Variants in IFT140 observed in about 807,000 individuals in gnomAD.
IFT140 encodes the protein intraflagellar transport protein 140 homolog.
Under a neutral mutation model 164.6 loss-of-function variants are expected in IFT140, and 133 were observed. The observed-to-expected ratio is 0.81, with a 90% CI of 0.70 to 0.93. IFT140 has a LOEUF of 0.93. IFT140 is among the 40% of genes least tolerant of loss of function. The pLI, the probability that IFT140 is intolerant of heterozygous loss-of-function variation, is 0.00. For synonymous variants in IFT140, 860 were observed against 817.3 expected (o/e 1.05, Z -0.89); for missense variants, 2,045 against 1,972.3 (o/e 1.04, Z -0.70).
rs948736359 is a variant in IFT140, at chr16:1,533,448, C to T, written c.2400-6652G>A. The T allele has an allele frequency of 6.6e-6, 1 of 152,328 alleles. No homozygotes were observed. Among genetic ancestry groups the T allele is most frequent in the Non-Finnish European group, 1.5e-5 (1 of 68,196 alleles). 9.4% of individuals were successfully genotyped at this position (152,328 alleles called of 1,614,324 possible). ...CCAGGCTTAAAAGCAACAGGCGAGA[C>T]GAGGGATCTGTCCCGCACCCGGCAT... On this transcript the variant is annotated intron_variant, in intron 19 of 30. Coordinates refer to ENST00000426508, the MANE Select transcript of IFT140 (RefSeq NM_014714.4). This position sits in a 1 kb window ranked among gnomAD's most constrained non-coding sequence, Gnocchi z 4.7.
At chr16:1,534,732 G>GC (rs1022581130) in intron 19 of IFT140, among the ~76,000 whole-genome samples, 11 of 150,806 alleles carry the variant, frequency 7.3e-5, no homozygotes, top group Non-Finnish European at 1.3e-4. Flanking sequence ...AGGCCCCAAG[G>GC]CCCCCTCTCC....
chr16:1,545,325 G>T (rs1299473855), intron 19 of IFT140, among the ~76,000 whole-genome samples: 2 of 152,116 alleles, frequency 1.3e-5, no homozygotes, highest in East Asian at 1.9e-4. Flanking sequence ...AGGGCCCCTG[G>T]TGTCTCGGTG....
At chr16:1,523,301 C>G (rs1363431622) in intron 26 of IFT140, among the ~76,000 whole-genome samples, 1 of 152,116 alleles carries the variant, frequency 6.6e-6, no homozygotes, top group Non-Finnish European at 1.5e-5. Context: ...TGCACCATTC[C>G]CTGTGTATGA....
At chr16:1,583,113 C>T (rs1052223983) in intron 12 of IFT140, among the ~76,000 whole-genome samples, 6 of 152,152 alleles carry the variant, frequency 3.9e-5, no homozygotes, top group African/African-American at 9.7e-5. Context: ...TGGTTGTTTA[C>T]GCCCACACAG....
chr16:1,566,166 A>G lies in IFT140; in HGVS notation c.1896T>C (p.Thr632=). 1 of 1,612,818 alleles carries G rather than the reference A, an allele frequency of 6.2e-7. No homozygotes were observed. The highest frequency in any genetic ancestry group is 8.5e-7 in the Non-Finnish European group (1 of 1,179,282). The part of the protein sequence containing the change: ...RETLSFNEQE[T]NKSHLFVDEG... ...CTCCTGAACCACAATCTTACTTATT[A>G]GTCTCTTGCTCATTAAAGGACAGCG... The change falls in exon 16 of 31, where the codon ACT becomes ACC. Residue 632 remains threonine (T), a synonymous_variant. Coordinates refer to ENST00000426508, the MANE Select transcript of IFT140 (RefSeq NM_014714.4).
chr16:1,534,076 T>G (rs2030795087), intron 19 of IFT140: 1 of 628,014 alleles, frequency 1.6e-6, no homozygotes. Flanking sequence ...GGCCTGGCCC[T>G]GCTCCAGGTG....
intron 24 of IFT140, 30 bp from the exon 25 acceptor site, chr16:1,523,986 G>A (rs779977744): frequency 5.6e-6 from 9 of 1,600,548 alleles, no homozygotes; most frequent in South Asian, 3.3e-5. Context: ...GCCCTGAAGC[G>A]GCTCCCACTG....
intron 19 of IFT140, chr16:1,534,258 G>T (rs1190978351): frequency 6.2e-7 from 1 of 1,608,194 alleles, no homozygotes; most frequent in Non-Finnish European, 8.5e-7. Flanking sequence ...CGGATAAGCG[G>T]CGGCACCGGC....
rs1038303025 is a variant in IFT140 at position 1,590,639 on chromosome 16, C to T, written c.635-859G>A. 8.5e-5 allele frequency among the ~76,000 whole-genome samples: 13 copies of T among 152,356 alleles called. No homozygotes were observed. The South Asian group carries it at 2.7e-3, about 32-fold the overall frequency. On this transcript the variant is annotated intron_variant, in intron 6 of 30. Coordinates refer to ENST00000426508, the MANE Select transcript of IFT140 (RefSeq NM_014714.4). ...CGGTGCTGGCCAGCCACTCTGTCTGCAGGCCCTGTGTGAGCTTGGGGACTC... is the reference window on the plus strand; with the variant it reads ...CGGTGCTGGCCAGCCACTCTGTCTGTAGGCCCTGTGTGAGCTTGGGGACTC...
At chr16:1,525,089 C>T in intron 22 of IFT140, 142 bp downstream of exon 22, 1 of 1,177,240 alleles carries the variant, frequency 8.5e-7, no homozygotes. Flanking sequence ...GCTCAGGGCC[C>T]TGGCATGGCT....
At chr16:1,608,104 G>C (rs946430096) in intron 2 of IFT140, among the ~76,000 whole-genome samples, 1 of 152,154 alleles carries the variant, frequency 6.6e-6, no homozygotes, top group Non-Finnish European at 1.5e-5. Context: ...CTCTATTAGA[G>C]AGTCAAGAAT....
chr16:1,515,285 G>A (rs1370058207), intron 30 of IFT140, among the ~76,000 whole-genome samples: 1 of 152,188 alleles, frequency 6.6e-6, no homozygotes. Context: ...AGCCAGTGCA[G>A]TGGGAGATGG....
At chr16:1,592,346 A>G in intron 5 of IFT140, 28 bp from the exon 6 acceptor site, 2 of 1,613,938 alleles carry the variant, frequency 1.2e-6, no homozygotes, top group Non-Finnish European at 1.7e-6. Flanking sequence ...ACGAAGCAAG[A>G]TTCTTCTGCC....
Position 1,592,485 on chromosome 16 carries a change from C to T in IFT140, c.473G>A (p.Arg158Gln), listed in dbSNP as rs754243049. The stretch of plus-strand genomic sequence containing the variant: ...CACTTACTCGCCAGGAGGGGGGAGC[C>T]GGAAGATGCAGTGCGTGAGGTGTTT... The part of the protein sequence containing the change: ...YGKHLTHCIF[R>Q]LPPPGEDLVQ... Residue 158 changes from arginine (R) to glutamine (Q), a missense_variant, in exon 5 of 31, where the codon CGG becomes CAG. Physicochemically the swap from Arg to Gln is conservative, Grantham distance 43. Transcript: ENST00000426508. 10 of 1,614,012 alleles carry T rather than the reference C, an allele frequency of 6.2e-6. No individual in the cohort carries two copies. The highest frequency in any genetic ancestry group is 1.1e-5 in the South Asian group (1 of 91,078).
intron 19 of IFT140, among the ~76,000 whole-genome samples, chr16:1,543,659 A>G (rs964755330): frequency 2.9e-4 from 44 of 152,206 alleles, no homozygotes; most frequent in Non-Finnish European, 1.3e-4. Context: ...AGAACGAATG[A>G]GACAGGGATG....
chr16:1,514,686 C>A (rs1423171619), intron 30 of IFT140: 1 of 152,094 alleles, frequency 6.6e-6, no homozygotes, highest in Non-Finnish European at 1.5e-5. Context: ...GTAACAGAAT[C>A]CAGAGTCTCT....
intron 7 of IFT140, among the ~76,000 whole-genome samples, chr16:1,589,042 C>T (rs888285025): frequency 3.3e-5 from 5 of 152,170 alleles, no homozygotes; most frequent in South Asian, 2.1e-4. Context: ...TAGGTTGTTA[C>T]GGTGGCCCAA....
intron 4 of IFT140, among the ~76,000 whole-genome samples, chr16:1,592,826 G>A (rs1373679935): frequency 6.6e-6 from 1 of 151,320 alleles, no homozygotes; most frequent in Non-Finnish European, 1.5e-5. Flanking sequence ...CCCCATGAAG[G>A]CTGGCAAGGT....
At position 1,585,907 on chromosome 16, in the gene IFT140, G is replaced by A. The variant is rs11640303; in HGVS notation, c.1155+223C>T. ...TGCCGCAGCCTCCTGAGTAGCTGAGGCTACAGGCGCCCGCCACCACGCCCG... is the reference window on the plus strand; with the variant it reads ...TGCCGCAGCCTCCTGAGTAGCTGAGACTACAGGCGCCCGCCACCACGCCCG... On this transcript the variant is annotated intron_variant, in intron 10 of 30. Coordinates refer to ENST00000426508, the MANE Select transcript of IFT140 (RefSeq NM_014714.4). 0.97 allele frequency among the ~76,000 whole-genome samples: 146,930 copies of A among 151,962 alleles called. 71,074 individuals are homozygous for A. Among genetic ancestry groups the A allele is most frequent in the East Asian group, 1 (5,162 of 5,162 alleles).
Sources: allele counts gnomAD v4.1 joint callset (sites outside exome capture counted in the v4.1 genomes callset), GRCh38; gene constraint gnomAD v4.1.1; non-coding constraint Gnocchi (gnomAD v3.1); transcripts MANE v1.5; gene names NCBI Gene and HGNC (gene_info 2026-07-23, HGNC 2026-07-21).